Variants in TENM3 observed in about 807,000 individuals in gnomAD.
TENM3 encodes teneurin transmembrane protein 3, also known as teneurin-3.
Under a neutral mutation model 255.1 loss-of-function variants are expected in TENM3, and 63 were observed. That is an observed-to-expected ratio of 0.25 (90% CI 0.20 to 0.30). The LOEUF is 0.30. TENM3 is among the 10% of genes least tolerant of loss of function. TENM3 has a pLI of 1.00. For synonymous variants in TENM3, 1,306 were observed against 1,322.3 expected, an observed-to-expected ratio of 0.99 and a Z score of 0.27; for missense variants, 2,929 against 3,461.1, an observed-to-expected ratio of 0.85 and a Z score of 3.86.
intron 4 of TENM3, among the ~76,000 whole-genome samples, chr4:182,621,736 T>TAA (rs1561016721): frequency 0.2 from 887 of 4,388 alleles, 51 homozygotes; most frequent in Non-Finnish European, 0.43. Context: ...ATAAAATATA[T>TAA]AATATATAAT....
chr4:182,583,717 G>A (rs1041924475), intron 3 of TENM3, among the ~76,000 whole-genome samples: 7 of 151,904 alleles, frequency 4.6e-5, no homozygotes, highest in African/African-American at 1.7e-4. Flanking sequence ...CAGAACACTA[G>A]ATTCCTCTTA....
At chr4:181,522,360 G>A in the TENM3 span, among the ~76,000 whole-genome samples, 1 of 152,106 alleles carries the variant, frequency 6.6e-6, no homozygotes, top group African/African-American at 2.4e-5. Flanking sequence ...CTTCTAAAAT[G>A]TTCTGACATG....
chr4:182,111,276 T>C, the TENM3 span, among the ~76,000 whole-genome samples: 4 of 151,710 alleles, frequency 2.6e-5, no homozygotes, highest in Non-Finnish European at 5.9e-5. Context: ...GGACTTTTAT[T>C]GTTCAGGCAT....
At chr4:182,121,369 G>C in the TENM3 span, among the ~76,000 whole-genome samples, 8 of 152,156 alleles carry the variant, frequency 5.3e-5, no homozygotes, top group Admixed American at 1.3e-4. Flanking sequence ...GTCAGGTGTA[G>C]ATATAATGAG....
chr4:181,641,554 GTATATATATATATATATA>G, the TENM3 span, among the ~76,000 whole-genome samples: 50 of 26,914 alleles, frequency 1.9e-3, 2 homozygotes, highest in South Asian at 0.021. Flanking sequence ...TGGTGTGTGT[GTATATATATATATATATA>G]TATATATATA....
At chr4:181,816,151 G>A in the TENM3 span, among the ~76,000 whole-genome samples, 349 of 152,164 alleles carry the variant, frequency 2.3e-3, 4 homozygotes, top group Middle Eastern at 0.02. Context: ...ACTCATAGTG[G>A]CCTCAGCAAC....
the TENM3 span, among the ~76,000 whole-genome samples, chr4:182,138,914 G>A: frequency 8.6e-3 from 1,309 of 152,244 alleles, 15 homozygotes; most frequent in African/African-American, 0.03. Context: ...AAACTTCATG[G>A]TCAGAGAAGT....
At chr4:182,434,983 A>C (rs1477193724) in intron 3 of TENM3, among the ~76,000 whole-genome samples, 1 of 152,208 alleles carries the variant, frequency 6.6e-6, no homozygotes. Context: ...TTTCCACGGG[A>C]ATTGCCAGGA....
At chr4:181,455,367 C>A in the TENM3 span, among the ~76,000 whole-genome samples, 1 of 152,012 alleles carries the variant, frequency 6.6e-6, no homozygotes, top group Admixed American at 6.6e-5. Flanking sequence ...GTTCTAACAT[C>A]CCCACATGAT....
At chr4:181,988,365 A>G in the TENM3 span, among the ~76,000 whole-genome samples, 4 of 152,042 alleles carry the variant, frequency 2.6e-5, no homozygotes, top group Non-Finnish European at 4.4e-5. Flanking sequence ...ACTTTTGCAG[A>G]TCCTCCACTG....
the TENM3 span, among the ~76,000 whole-genome samples, chr4:181,739,766 T>C: frequency 6.6e-6 from 1 of 152,200 alleles, no homozygotes; most frequent in Admixed American, 6.5e-5. Context: ...TTGCTTCAGT[T>C]TTAAGATGTC....
At chr4:181,644,920 A>T in the TENM3 span, among the ~76,000 whole-genome samples, 1 of 152,044 alleles carries the variant, frequency 6.6e-6, no homozygotes, top group Admixed American at 6.6e-5. Flanking sequence ...CTTTGTAGAA[A>T]GGCTGGGAGA....
chr4:182,134,232 A>G, the TENM3 span, among the ~76,000 whole-genome samples: 3 of 152,212 alleles, frequency 2.0e-5, no homozygotes, highest in Non-Finnish European at 2.9e-5. Context: ...CCTGATTTAA[A>G]TCTAGTTTCT....
chr4:181,497,286 T>A, the TENM3 span, among the ~76,000 whole-genome samples: 1 of 152,180 alleles, frequency 6.6e-6, no homozygotes, highest in Non-Finnish European at 1.5e-5. Flanking sequence ...AGCTCCCTCA[T>A]CAGCGAAGTT....
At chr4:181,919,509 G>A in the TENM3 span, among the ~76,000 whole-genome samples, 1 of 152,018 alleles carries the variant, frequency 6.6e-6, no homozygotes, top group Non-Finnish European at 1.5e-5. Context: ...TTTTACCTGA[G>A]AGTAATCTTG....
the TENM3 span, among the ~76,000 whole-genome samples, chr4:181,642,049 T>G: frequency 1.8e-4 from 27 of 151,734 alleles, no homozygotes; most frequent in Non-Finnish European, 3.5e-4. Flanking sequence ...ATGGCCACAC[T>G]GTTTTTCACA....
the TENM3 span, among the ~76,000 whole-genome samples, chr4:182,136,938 A>G: frequency 6.6e-6 from 1 of 152,200 alleles, no homozygotes; most frequent in Admixed American, 6.5e-5. Flanking sequence ...TAAGGATTCA[A>G]ACTTCTCATA....
intron 6 of TENM3, among the ~76,000 whole-genome samples, chr4:182,668,088 T>A (rs143414050): frequency 2.0e-4 from 30 of 152,216 alleles, no homozygotes; most frequent in African/African-American, 6.5e-4. Flanking sequence ...ATGCTAGTAG[T>A]CCTAAATACC....
chr4:182,288,591 C>T (rs1274008379), intron 1 of TENM3, among the ~76,000 whole-genome samples: 2 of 152,162 alleles, frequency 1.3e-5, no homozygotes, highest in African/African-American at 4.8e-5. Flanking sequence ...CAGTTGGCTC[C>T]AACTACTACG....
Sources: allele counts gnomAD v4.1 joint callset (sites outside exome capture counted in the v4.1 genomes callset), GRCh38; gene constraint gnomAD v4.1.1; transcripts MANE v1.5; gene names NCBI Gene and HGNC (gene_info 2026-07-23, HGNC 2026-07-21).